The following TET3 variants were observed in gnomAD, a reference collection of about 807,000 sequenced individuals.
TET3 encodes the protein methylcytosine dioxygenase TET3.
In TET3, 19 loss-of-function variants were observed where a neutral mutation model predicts 141.4. That is an observed-to-expected ratio of 0.13 (90% CI 0.09 to 0.20). TET3 has a LOEUF of 0.20. Among genes scored for constraint, TET3 ranks in the 10% least tolerant of loss-of-function variants. The probability of loss-of-function intolerance (pLI) is 1.00; values close to 1 mark genes in which losing one functional copy is unlikely to be tolerated. For synonymous variants in TET3, 1,043 were observed against 980.9 expected (o/e 1.06, Z -1.18); for missense variants, 1,874 against 2,356.9 (o/e 0.80, Z 4.24).
chr2:74,026,437 C>T lies in TET3; in HGVS notation c.361-19841C>T, dbSNP rs112284855. 5.2e-3 allele frequency among the ~76,000 whole-genome samples: 795 copies of T among 152,234 alleles called. 6 individuals carry two copies. The highest frequency in any genetic ancestry group is 0.018 in the African/African-American group (757 of 41,532). On this transcript the variant is annotated intron_variant, in intron 3 of 11. Transcript: ENST00000409262. Reference sequence around the variant, plus strand: ...CCCCAGTCAGAGGTGTGTGTCCCAACTGAGGTATGTCCCGAGGGTGAGCCA... The same window carrying T: ...CCCCAGTCAGAGGTGTGTGTCCCAATTGAGGTATGTCCCGAGGGTGAGCCA...
chr2:74,002,617 G>A, intron 2 of TET3: 1 of 351,264 alleles, frequency 2.8e-6, no homozygotes, highest in Non-Finnish European at 5.1e-6. Context: ...CCAGGCGGGG[G>A]CAGGGCCGGC....
chr2:74,122,511 A>ATATTT, the TET3 span: 13 of 47,556 alleles, frequency 2.7e-4, no homozygotes, highest in Admixed American at 6.4e-4. Context: ...ATATATATAT[A>ATATTT]TTTTTTTTTT....
intron 4 of TET3, among the ~76,000 whole-genome samples, chr2:74,057,588 G>T (rs1411749664): frequency 6.6e-6 from 1 of 152,202 alleles, no homozygotes; most frequent in Admixed American, 6.5e-5. Context: ...TTCAATTGGA[G>T]GCTTTCCATT....
At chr2:74,037,125 T>C (rs998460005) in intron 3 of TET3, among the ~76,000 whole-genome samples, 3 of 152,134 alleles carry the variant, frequency 2.0e-5, no homozygotes, top group Admixed American at 1.3e-4. Flanking sequence ...GGTGCAGACA[T>C]GGGACTGGGC....
the TET3 span, among the ~76,000 whole-genome samples, chr2:74,123,987 C>G: frequency 1.4e-5 from 2 of 144,808 alleles, no homozygotes; most frequent in East Asian, 4.1e-4. Flanking sequence ...TCTGCCCGGC[C>G]GCCCCGTCTG....
chr2:74,067,016 A>G (rs1027422650), intron 4 of TET3, among the ~76,000 whole-genome samples: 1 of 152,108 alleles, frequency 6.6e-6, no homozygotes, highest in Non-Finnish European at 1.5e-5. Flanking sequence ...TATTTTCTGT[A>G]TACCGTGTGG....
At chr2:74,119,392 C>G in the TET3 span, among the ~76,000 whole-genome samples, 6 of 150,392 alleles carry the variant, frequency 4.0e-5, no homozygotes, top group Non-Finnish European at 7.4e-5. Flanking sequence ...CTTTTAAGAA[C>G]TCAAGTCAAT....
At chr2:74,134,385 G>A in the TET3 span, 1 of 282,008 alleles carries the variant, frequency 3.5e-6, no homozygotes, top group East Asian at 9.1e-5. Context: ...CCACTGTGCA[G>A]ATAGAGAATA....
chr2:74,018,646 T>G (rs1361727418), intron 3 of TET3, among the ~76,000 whole-genome samples: 1 of 152,222 alleles, frequency 6.6e-6, no homozygotes, highest in Non-Finnish European at 1.5e-5. Context: ...TTAAGGCCTC[T>G]TTTTACTTCC....
chr2:74,077,529 T>TGATAGGCCAAAAAGTAA (rs1689576934), intron 5 of TET3, among the ~76,000 whole-genome samples: 1 of 152,240 alleles, frequency 6.6e-6, no homozygotes, highest in East Asian at 1.9e-4. Flanking sequence ...GGCCTCTTCA[T>TGATAGGCCAAAAAGTAA]GATAGGCCAA....
At chr2:74,073,840 C>A in intron 5 of TET3, 2 of 470,944 alleles carry the variant, frequency 4.2e-6, no homozygotes, top group South Asian at 3.2e-5. Flanking sequence ...CTGCCCAATT[C>A]ATGTCCCCCT....
At position 74,100,387 on chromosome 2, in the gene TET3, C is replaced by A. The variant is rs1441685474; in HGVS notation, c.3605-6C>A. 1.3e-6 allele frequency: 2 copies of A among 1,556,460 alleles called. No homozygotes were observed. Among genetic ancestry groups the A allele is most frequent in the East Asian group, 2.4e-5 (1 of 41,224 alleles). ...CCCTCTGCCATCTTGCCTTCTGTTTCCCCAGGCCTGTCTCTGAAGGGTGGA... is the reference window on the plus strand; with the variant it reads ...CCCTCTGCCATCTTGCCTTCTGTTTACCCAGGCCTGTCTCTGAAGGGTGGA... On this transcript the variant is annotated splice_polypyrimidine_tract_variant and splice_region_variant and intron_variant, in intron 11 of 11. Transcript: ENST00000409262.
At chr2:74,122,651 C>G in the TET3 span, among the ~76,000 whole-genome samples, 1 of 133,262 alleles carries the variant, frequency 7.5e-6, no homozygotes, top group Non-Finnish European at 1.6e-5. Context: ...GTAGCTGGGA[C>G]TAAAGGCATG....
intron 3 of TET3, among the ~76,000 whole-genome samples, chr2:74,024,361 C>T (rs2105260028): frequency 6.6e-6 from 1 of 152,316 alleles, no homozygotes; most frequent in African/African-American, 2.4e-5. Flanking sequence ...GCTGTCTGTG[C>T]CCTCTGTGTG....
chr2:74,083,723 G>A (rs190288224), intron 6 of TET3, among the ~76,000 whole-genome samples: 11 of 152,304 alleles, frequency 7.2e-5, no homozygotes, highest in African/African-American at 2.4e-4. Context: ...CCAGGGGCCT[G>A]TGAGGATGGG....
At chr2:74,060,522 A>T (rs7597070) in intron 4 of TET3, among the ~76,000 whole-genome samples, 19,070 of 151,626 alleles carry the variant, frequency 0.13, 2,904 homozygotes, top group African/African-American at 0.36. Context: ...ATTTTTTTTT[A>T]AATTTATTAT....
intron 3 of TET3, among the ~76,000 whole-genome samples, chr2:74,032,508 T>TGTGTGTGTGTGTGTGTGTGG (rs1491152838): frequency 2.3e-5 from 1 of 43,908 alleles, no homozygotes; most frequent in Non-Finnish European, 4.4e-5. Flanking sequence ...TGTGTGTGTG[T>TGTGTGTGTGTGTGTGTGTGG]TAGGGGAGTT....
At chr2:74,016,687 A>G (rs1488300967) in intron 3 of TET3, among the ~76,000 whole-genome samples, 2 of 151,808 alleles carry the variant, frequency 1.3e-5, no homozygotes, top group African/African-American at 4.8e-5. Context: ...GTGCCACTGC[A>G]CTCCTGCCTG....
At chr2:74,026,173 T>C (rs1236222210) in intron 3 of TET3, among the ~76,000 whole-genome samples, 1 of 136,646 alleles carries the variant, frequency 7.3e-6, no homozygotes, top group African/African-American at 2.6e-5. Context: ...CCCTGGCTGG[T>C]TTGGTGTTAG....
Sources: allele counts gnomAD v4.1 joint callset (sites outside exome capture counted in the v4.1 genomes callset), GRCh38; gene constraint gnomAD v4.1.1; transcripts MANE v1.5; gene names NCBI Gene and HGNC (gene_info 2026-07-23, HGNC 2026-07-21).